The following RPS6KC1 variants were observed in gnomAD, a reference collection of about 807,000 sequenced individuals.
RPS6KC1 encodes ribosomal protein S6 kinase C1.
A neutral mutation model predicts 103.8 loss-of-function variants in RPS6KC1; 54 were observed. The ratio of observed to expected loss-of-function variants is 0.52; its 90% CI spans 0.42 to 0.65. The LOEUF (loss-of-function observed/expected upper bound fraction) is 0.65. RPS6KC1 is among the 30% of genes least tolerant of loss of function. The pLI, the probability that RPS6KC1 is intolerant of heterozygous loss-of-function variation, is 0.00. For missense variants in RPS6KC1, 1,151 were observed against 1,253.8 expected (o/e 0.92, Z 1.24); for synonymous variants, 439 against 438.7 (o/e 1.00, Z -0.01).
At chr1:213,240,617 ATAGT>A (rs1425418459) in intron 10 of RPS6KC1, 81 bp from the exon 11 acceptor site, 19 of 1,086,146 alleles carry the variant, frequency 1.7e-5, no homozygotes, top group Non-Finnish European at 2.6e-5. Context: ...GATTTTTAAG[ATAGT>A]TTTTGTTTTT....
the RPS6KC1 span, among the ~76,000 whole-genome samples, chr1:213,294,021 T>TA: frequency 6.6e-6 from 1 of 152,132 alleles, no homozygotes; most frequent in African/African-American, 2.4e-5. Flanking sequence ...TGCTAACCAG[T>TA]AAAACCACAG....
At chr1:213,233,458 T>C (rs1050808710) in intron 10 of RPS6KC1, among the ~76,000 whole-genome samples, 1 of 152,200 alleles carries the variant, frequency 6.6e-6, no homozygotes, top group African/African-American at 2.4e-5. Flanking sequence ...TAATAATCCA[T>C]AATAATTTAG....
the RPS6KC1 span, among the ~76,000 whole-genome samples, chr1:213,470,069 A>G: frequency 6.6e-6 from 1 of 152,166 alleles, no homozygotes; most frequent in Non-Finnish European, 1.5e-5. Flanking sequence ...AAAATCCCAA[A>G]CAATTTCTTA....
chr1:213,109,608 T>G (rs1245110600), intron 4 of RPS6KC1, among the ~76,000 whole-genome samples: 1 of 152,200 alleles, frequency 6.6e-6, no homozygotes, highest in Admixed American at 6.5e-5. Flanking sequence ...TGTTGTAGCA[T>G]GCATCAGTAC....
the RPS6KC1 span, among the ~76,000 whole-genome samples, chr1:213,815,625 G>A: frequency 6.6e-6 from 1 of 152,198 alleles, no homozygotes; most frequent in East Asian, 1.9e-4. Flanking sequence ...TCATAATAAA[G>A]TGAGTCCCAC....
chr1:213,793,178 G>A, the RPS6KC1 span, among the ~76,000 whole-genome samples: 1 of 152,152 alleles, frequency 6.6e-6, no homozygotes, highest in South Asian at 2.1e-4. Flanking sequence ...GCATGCCCAA[G>A]GTAGTAATTT....
At chr1:213,488,055 C>A in the RPS6KC1 span, among the ~76,000 whole-genome samples, 295 of 152,244 alleles carry the variant, frequency 1.9e-3, no homozygotes, top group African/African-American at 6.7e-3. Flanking sequence ...TTCCCTAGAC[C>A]AGTTTCTCTC....
At chr1:213,313,178 C>T in the RPS6KC1 span, among the ~76,000 whole-genome samples, 2 of 152,104 alleles carry the variant, frequency 1.3e-5, no homozygotes, top group African/African-American at 2.4e-5. Context: ...ATGAAAAATA[C>T]GTGTATTTTC....
the RPS6KC1 span, among the ~76,000 whole-genome samples, chr1:213,659,153 CAG>C: frequency 6.6e-6 from 1 of 151,938 alleles, no homozygotes; most frequent in African/African-American, 2.4e-5. Context: ...TTAGCAGAGA[CAG>C]AGTTTCTCCA....
the RPS6KC1 span, among the ~76,000 whole-genome samples, chr1:213,834,396 C>G: frequency 1.3e-5 from 2 of 152,106 alleles, no homozygotes; most frequent in African/African-American, 4.8e-5. Flanking sequence ...CTCCAGTGCT[C>G]CAAAACTGGT....
At chr1:213,607,153 T>G in the RPS6KC1 span, among the ~76,000 whole-genome samples, 2 of 152,164 alleles carry the variant, frequency 1.3e-5, no homozygotes, top group Admixed American at 6.5e-5. Context: ...TCTCAAGGAA[T>G]TTATTGGAAA....
intron 8 of RPS6KC1, among the ~76,000 whole-genome samples, chr1:213,217,618 C>A (rs1373793793): frequency 1.3e-5 from 2 of 152,168 alleles, no homozygotes; most frequent in Non-Finnish European, 2.9e-5. Flanking sequence ...ATGCAAAAAT[C>A]CTCAATAAAA....
the RPS6KC1 span, among the ~76,000 whole-genome samples, chr1:213,320,489 T>C: frequency 1.3e-5 from 2 of 152,190 alleles, no homozygotes; most frequent in African/African-American, 2.4e-5. Flanking sequence ...CAGGTATTGG[T>C]TTGTTAGAGG....
At chr1:213,402,421 C>T in the RPS6KC1 span, among the ~76,000 whole-genome samples, 2,131 of 152,234 alleles carry the variant, frequency 0.014, 53 homozygotes, top group African/African-American at 0.048. Flanking sequence ...CACAGGCTTC[C>T]GCATTAGGCT....
intron 5 of RPS6KC1, among the ~76,000 whole-genome samples, chr1:213,126,808 CTGCTTT>C (rs547545747): frequency 6.0e-4 from 91 of 152,256 alleles, no homozygotes; most frequent in African/African-American, 2.1e-3. Flanking sequence ...TTGTCTATGG[CTGCTTT>C]TGCACTACAA....
chr1:213,114,813 T>C (rs987621995), intron 4 of RPS6KC1, among the ~76,000 whole-genome samples: 1 of 152,236 alleles, frequency 6.6e-6, no homozygotes, highest in Non-Finnish European at 1.5e-5. Context: ...GAGATAATCA[T>C]GTGGTTTTTG....
the RPS6KC1 span, among the ~76,000 whole-genome samples, chr1:213,679,019 G>T: frequency 6.6e-6 from 1 of 152,188 alleles, no homozygotes. Flanking sequence ...GTTGGAGAAT[G>T]GGTCTCAGTG....
At chr1:213,802,722 T>G in the RPS6KC1 span, among the ~76,000 whole-genome samples, 1 of 152,230 alleles carries the variant, frequency 6.6e-6, no homozygotes, top group Non-Finnish European at 1.5e-5. Context: ...ATTATAAAAC[T>G]TCCATTTTAA....
At chr1:213,545,470 C>G in the RPS6KC1 span, among the ~76,000 whole-genome samples, 1 of 151,890 alleles carries the variant, frequency 6.6e-6, no homozygotes, top group Admixed American at 6.6e-5. Flanking sequence ...TCAAGTCTCT[C>G]TCCTTGGCTT....
Sources: allele counts gnomAD v4.1 joint callset (sites outside exome capture counted in the v4.1 genomes callset), GRCh38; gene constraint gnomAD v4.1.1; transcripts MANE v1.5; gene names NCBI Gene and HGNC (gene_info 2026-07-23, HGNC 2026-07-21).